The following PCSK6 variants were observed in gnomAD, a reference collection of about 807,000 sequenced individuals.
PCSK6 encodes proprotein convertase subtilisin/kexin type 6.
A neutral mutation model predicts 123.3 loss-of-function variants in PCSK6; 85 were observed. That is an observed-to-expected ratio of 0.69 (90% confidence interval 0.58 to 0.83). The LOEUF is 0.83. PCSK6 is among the 40% of genes least tolerant of loss of function. The probability of loss-of-function intolerance (pLI) is 0.00; values close to 1 mark genes in which losing one functional copy is unlikely to be tolerated. For missense variants in PCSK6, 1,191 were observed against 1,282.3 expected, an observed-to-expected ratio of 0.93 and a Z score of 1.09; for synonymous variants, 508 against 516.0, an observed-to-expected ratio of 0.98 and a Z score of 0.21.
At position 101,398,502 on chromosome 15, in the gene PCSK6, C is replaced by T. The variant is rs200610176; in HGVS notation, c.898G>A (p.Asp300Asn). ...GGCCCCCAGCTGGCACTGTAAATGT[C>T]GATGTAGTTGGGTCTGATGCCCAGC... ...KSLGIRPNYI[D>N]IYSASWGPDD... The change falls in exon 7 of 22, where the codon GAC becomes AAC. Residue 300 changes from aspartate to asparagine, a missense_variant. By Grantham distance (23) the Asp-to-Asn change is conservative. Coordinates refer to ENST00000611716, the MANE Select transcript of PCSK6 (RefSeq NM_002570.5). The surrounding 1 kb of genome is among the most constrained non-coding windows in gnomAD (Gnocchi z 4.6). 2,754 of 1,613,958 alleles carry T rather than the reference C, an allele frequency of 1.7e-3. 4 individuals are homozygous for T. Among genetic ancestry groups the T allele is most frequent in the Non-Finnish European group, 2.1e-3 (2,450 of 1,179,856 alleles).
intron 11 of PCSK6, among the ~76,000 whole-genome samples, chr15:101,377,453 C>T (rs756964364): frequency 1.3e-5 from 2 of 152,180 alleles, no homozygotes; most frequent in Non-Finnish European, 2.9e-5. Context: ...CACCTCTGGG[C>T]CTAAGTTCCT....
intron 1 of PCSK6, among the ~76,000 whole-genome samples, chr15:101,474,992 AAC>A (rs2057695796): frequency 6.6e-6 from 1 of 152,040 alleles, no homozygotes; most frequent in African/African-American, 2.4e-5. Flanking sequence ...CATCTGCCCA[AAC>A]ACACCCCCAC....
intron 6 of PCSK6, among the ~76,000 whole-genome samples, chr15:101,405,670 T>G (rs2042751273): frequency 6.7e-6 from 1 of 148,500 alleles, no homozygotes; most frequent in Non-Finnish European, 1.5e-5. Context: ...ATTTTACAAC[T>G]CACTTAGTGA....
chr15:101,349,702 T>A (rs558955274), intron 13 of PCSK6, among the ~76,000 whole-genome samples: 1 of 152,196 alleles, frequency 6.6e-6, no homozygotes, highest in Admixed American at 6.5e-5. Flanking sequence ...GAGTCATCAG[T>A]CCCAGGTCTC....
chr15:101,320,963 C>T (rs1008414945), intron 18 of PCSK6, among the ~76,000 whole-genome samples: 16 of 152,312 alleles, frequency 1.1e-4, no homozygotes, highest in African/African-American at 3.1e-4. Context: ...ATTGAGTATC[C>T]GATTTCCCTC....
intron 13 of PCSK6, among the ~76,000 whole-genome samples, chr15:101,358,983 G>A (rs750782038): frequency 1.1e-4 from 17 of 152,188 alleles, no homozygotes; most frequent in Non-Finnish European, 2.1e-4. Flanking sequence ...AGGCTCCCAG[G>A]CTAGCTCTCA....
At chr15:101,347,284 C>A in intron 13 of PCSK6, 1 of 1,232,582 alleles carries the variant, frequency 8.1e-7, no homozygotes, top group Non-Finnish European at 1.0e-6. Flanking sequence ...TGAAGATTAG[C>A]TCAAAAGAGA....
chr15:101,461,902 C>A (rs540331725), intron 1 of PCSK6, among the ~76,000 whole-genome samples: 2 of 152,260 alleles, frequency 1.3e-5, no homozygotes, highest in African/African-American at 4.8e-5. Flanking sequence ...CCTTTAAAAT[C>A]AAGAACAAGA....
intron 6 of PCSK6, among the ~76,000 whole-genome samples, chr15:101,423,185 A>T (rs1027874785): frequency 7.9e-5 from 12 of 152,170 alleles, no homozygotes; most frequent in African/African-American, 2.9e-4. Context: ...GAAGAGATGG[A>T]GACACATGAG....
At chr15:101,412,313 A>G (rs1032601426) in intron 6 of PCSK6, among the ~76,000 whole-genome samples, 1 of 152,220 alleles carries the variant, frequency 6.6e-6, no homozygotes, top group African/African-American at 2.4e-5. Flanking sequence ...TCAAATGCAT[A>G]AAGACAGACA....
intron 15 of PCSK6, among the ~76,000 whole-genome samples, chr15:101,326,965 G>A (rs2040269349): frequency 6.6e-6 from 1 of 152,008 alleles, no homozygotes; most frequent in South Asian, 2.1e-4. Flanking sequence ...GAATTAGGTA[G>A]CCCCCCCGCA....
At chr15:101,325,072 A>G in intron 16 of PCSK6, 26 bp from the exon 17 acceptor site, 1 of 1,571,766 alleles carries the variant, frequency 6.4e-7, no homozygotes, top group Non-Finnish European at 8.6e-7. Context: ...CAGGAGGGTG[A>G]GGGCCTTGCC....
rs2058120750 is a variant in PCSK6 at position 101,489,563 on chromosome 15, G to GGCGCCGCCC, written c.107_108insGGGCGGCGC (p.Ala36_Gly38dup). 1 of 968,070 alleles carries GGCGCCGCCC rather than the reference G, an allele frequency of 1.0e-6. No individual in the cohort carries two copies. The highest frequency in any genetic ancestry group is 1.8e-5 in the African/African-American group (1 of 55,226). The allele number at this position is 968,070 out of a possible 1,614,324, so 60.0% of individuals were successfully genotyped here. ...CGAGCGGCCGGAACCCGGGCCCGCC[G>GGCGCCGCCC]GCGCCCCCCGCGCCCCCCGCGCCCC... is the stretch of plus-strand genomic sequence containing the variant. On this transcript the variant is annotated inframe_insertion, in exon 1 of 22. Coordinates refer to ENST00000611716, the MANE Select transcript of PCSK6 (RefSeq NM_002570.5).
At position 101,393,439 on chromosome 15, in the gene PCSK6, G is replaced by A. The variant is rs1473734130; in HGVS notation, c.997-15C>T. 1.3e-6 allele frequency: 2 copies of A among 1,597,042 alleles called. No homozygotes were observed. The highest frequency in any genetic ancestry group is 1.7e-6 in the Non-Finnish European group (2 of 1,173,764). ...CCCTGCCGGCCCTGGAGGGACAAGA[G>A]GAACAAGGCTTAGCCCCGCAGCAGA... On this transcript the variant is annotated splice_polypyrimidine_tract_variant and intron_variant, in intron 7 of 21. Coordinates refer to ENST00000611716, the MANE Select transcript of PCSK6 (RefSeq NM_002570.5).
chr15:101,394,573 T>C (rs2042345819), intron 7 of PCSK6, among the ~76,000 whole-genome samples: 1 of 152,206 alleles, frequency 6.6e-6, no homozygotes, highest in Admixed American at 6.5e-5. Flanking sequence ...ATCACATCCT[T>C]ACTAAGGACC....
At position 101,397,284 on chromosome 15, in the gene PCSK6, C is replaced by T. The variant is rs575930911; in HGVS notation, c.996+1120G>A. ...GGAAATCATGAACATGGTTTGAAAA[C>T]AGATTCCTCCTCCGTGGGGCAGGAC... On this transcript the variant is annotated intron_variant, in intron 7 of 21. Transcript: ENST00000611716. 4.6e-5 allele frequency among the ~76,000 whole-genome samples: 7 copies of T among 152,100 alleles called. No homozygotes were observed. The East Asian group carries it at 7.7e-4, about 17-fold the overall frequency.
chr15:101,436,489 T>C (rs1394921188), intron 2 of PCSK6, among the ~76,000 whole-genome samples: 1 of 152,208 alleles, frequency 6.6e-6, no homozygotes, highest in African/African-American at 2.4e-5. Flanking sequence ...ATTCTGTAAC[T>C]GTGAAAGAAC....
intron 6 of PCSK6, among the ~76,000 whole-genome samples, chr15:101,413,454 C>T (rs1307472772): frequency 1.4e-5 from 2 of 146,676 alleles, no homozygotes; most frequent in Admixed American, 6.7e-5. Flanking sequence ...AAGTAACCCA[C>T]AGGAAGGCAG....
intron 12 of PCSK6, among the ~76,000 whole-genome samples, chr15:101,369,925 G>A (rs913064598): frequency 1.3e-5 from 2 of 152,192 alleles, no homozygotes; most frequent in African/African-American, 2.4e-5. Context: ...GAGAGCTGGT[G>A]GGGGGACAAA....
Sources: allele counts gnomAD v4.1 joint callset (sites outside exome capture counted in the v4.1 genomes callset), GRCh38; gene constraint gnomAD v4.1.1; non-coding constraint Gnocchi (gnomAD v3.1); transcripts MANE v1.5; gene names NCBI Gene and HGNC (gene_info 2026-07-23, HGNC 2026-07-21).